KCNK13: variants seen among roughly 807,000 people sequenced by gnomAD.
The protein encoded by KCNK13 is potassium channel subfamily K member 13.
Under a neutral mutation model 23.4 loss-of-function variants are expected in KCNK13, and 12 were observed. The observed-to-expected ratio is 0.51, with a 90% confidence interval of 0.33 to 0.83. The LOEUF (loss-of-function observed/expected upper bound fraction) is 0.83, where lower values mean the gene tolerates loss of function less well. Ranked by LOEUF, KCNK13 falls within the 40% of genes least tolerant of loss-of-function variation. The probability of loss-of-function intolerance (pLI) is 0.02; values close to 1 mark genes in which losing one functional copy is unlikely to be tolerated. For synonymous variants in KCNK13, 231 were observed against 229.5 expected, an observed-to-expected ratio of 1.01 and a Z score of -0.06; for missense variants, 463 against 556.3, an observed-to-expected ratio of 0.83 and a Z score of 1.69.
Position 90,062,012 on chromosome 14 carries a change from C to A in KCNK13, c.-194C>A, listed in dbSNP as rs372766038. 6.5e-5 allele frequency: 26 copies of A among 396,956 alleles called. No individual in the cohort carries two copies. The highest frequency in any genetic ancestry group is 6.5e-4 in the East Asian group (17 of 26,238). The allele number at this position is 396,956 out of a possible 1,614,324, so 24.6% of individuals were successfully genotyped here. Reference sequence around the variant, plus strand: ...AGTCAAGGAGGACGTGGGGAGCTGGCGCCACAGGAGCTACCGAGGCGGCGG... The same window carrying A: ...AGTCAAGGAGGACGTGGGGAGCTGGAGCCACAGGAGCTACCGAGGCGGCGG... On this transcript the variant is annotated 5_prime_UTR_variant, in exon 1 of 2. Coordinates refer to ENST00000282146, the MANE Select transcript of KCNK13 (RefSeq NM_022054.4). The surrounding 1 kb of genome is among the most constrained non-coding windows in gnomAD (Gnocchi z 4.5).
chr14:90,167,675 C>T (rs1890319375), intron 1 of KCNK13, among the ~76,000 whole-genome samples: 1 of 152,112 alleles, frequency 6.6e-6, no homozygotes, highest in South Asian at 2.1e-4. Context: ...TGAGGCAGTC[C>T]ACCAAGCTAG....
chr14:90,107,932 A>G, intron 1 of KCNK13: 1 of 745,900 alleles, frequency 1.3e-6, no homozygotes, highest in Non-Finnish European at 2.5e-6. Flanking sequence ...GCAGTGATCT[A>G]GTCACTATGC....
intron 1 of KCNK13, among the ~76,000 whole-genome samples, chr14:90,159,151 A>T (rs1482048970): frequency 2.6e-5 from 4 of 152,214 alleles, no homozygotes; most frequent in African/African-American, 9.6e-5. Flanking sequence ...AGAGAGCAAG[A>T]GATCAAACTC....
chr14:90,148,146 G>C (rs1890095096), intron 1 of KCNK13, among the ~76,000 whole-genome samples: 1 of 152,218 alleles, frequency 6.6e-6, no homozygotes, highest in Non-Finnish European at 1.5e-5. Flanking sequence ...TTGGGTGACA[G>C]AGTGTGACTC....
chr14:90,087,141 T>TACATATATATATAC (rs1566949162), intron 1 of KCNK13, among the ~76,000 whole-genome samples: 3 of 114,064 alleles, frequency 2.6e-5, no homozygotes, highest in East Asian at 3.1e-4. Context: ...TATATATATA[T>TACATATATATATAC]ATATATATAT....
At chr14:90,074,502 T>A (rs1235854115) in intron 1 of KCNK13, among the ~76,000 whole-genome samples, 1 of 152,238 alleles carries the variant, frequency 6.6e-6, no homozygotes, top group Non-Finnish European at 1.5e-5. Context: ...TCTGTTAAGC[T>A]CTTTAACTCA....
At chr14:90,111,842 G>C (rs375935308) in intron 1 of KCNK13, among the ~76,000 whole-genome samples, 2 of 152,238 alleles carry the variant, frequency 1.3e-5, no homozygotes, top group South Asian at 4.2e-4. Flanking sequence ...ATTTCTTCAG[G>C]TGAATCAACT....
rs111626887 is a variant in KCNK13, at chr14:90,165,017, C to T, written c.335-19094C>T. ...CAGTTCCGCGTGGCTGAGGAGGCCT[C>T]GCAGTCATGGTGGAAGGCAAAGGGG... On this transcript the variant is annotated intron_variant, in intron 1 of 1. Coordinates refer to ENST00000282146, the MANE Select transcript of KCNK13 (RefSeq NM_022054.4). Among the ~76,000 whole-genome samples, 520 of 152,250 alleles carry T rather than the reference C, an allele frequency of 3.4e-3. 3 individuals carry two copies. The highest frequency in any genetic ancestry group is 0.012 in the African/African-American group (506 of 41,546).
intron 1 of KCNK13, among the ~76,000 whole-genome samples, chr14:90,138,940 C>T (rs753902957): frequency 3.3e-5 from 5 of 152,092 alleles, no homozygotes; most frequent in Admixed American, 2.0e-4. Flanking sequence ...AAAAACACAT[C>T]GAGGCAGGCA....
chr14:90,070,621 T>C (rs1395460427), intron 1 of KCNK13, among the ~76,000 whole-genome samples: 3 of 152,256 alleles, frequency 2.0e-5, no homozygotes, highest in Non-Finnish European at 4.4e-5. Context: ...CCTTTCCTTG[T>C]GCTTTCTTCC....
chr14:90,108,044 A>G, intron 1 of KCNK13: 2 of 626,024 alleles, frequency 3.2e-6, no homozygotes, highest in Admixed American at 2.1e-5. Context: ...GCTGGATGGC[A>G]TTGCATGTGA....
At chr14:90,132,561 A>G (rs895020497) in intron 1 of KCNK13, among the ~76,000 whole-genome samples, 1 of 150,498 alleles carries the variant, frequency 6.6e-6, no homozygotes, top group Non-Finnish European at 1.5e-5. Flanking sequence ...AAAAAAAAAG[A>G]AAGAAAGAAA....
chr14:90,170,949 G>A (rs1325268143), intron 1 of KCNK13, among the ~76,000 whole-genome samples: 1 of 152,196 alleles, frequency 6.6e-6, no homozygotes, highest in African/African-American at 2.4e-5. Flanking sequence ...GGAGGATGTA[G>A]CTTTTCATCT....
At chr14:90,089,798 A>G (rs1422917233) in intron 1 of KCNK13, among the ~76,000 whole-genome samples, 2 of 152,210 alleles carry the variant, frequency 1.3e-5, no homozygotes, top group Non-Finnish European at 2.9e-5. Flanking sequence ...AGCCATGACT[A>G]AAAGGGGCCA....
rs112935751 is a variant in KCNK13, at chr14:90,163,763, C to T, written c.335-20348C>T. ...CAAATGCAGTGGTGCAATCTCGGCT[C>T]ACTGCAGCCTCCGCCTCCTGGGTTC... On this transcript the variant is annotated intron_variant, in intron 1 of 1. Coordinates refer to ENST00000282146, the MANE Select transcript of KCNK13 (RefSeq NM_022054.4). Among the ~76,000 whole-genome samples the T allele has an allele frequency of 7.7e-3, 1,169 of 152,298 alleles. 16 individuals are homozygous for T. Among genetic ancestry groups the T allele is most frequent in the African/African-American group, 0.027 (1,113 of 41,560 alleles).
At chr14:90,134,617 T>C (rs1442790758) in intron 1 of KCNK13, among the ~76,000 whole-genome samples, 2 of 152,370 alleles carry the variant, frequency 1.3e-5, no homozygotes, top group African/African-American at 4.8e-5. Context: ...TTAACTCTTA[T>C]GTGCTAAGTG....
In KCNK13 at chr14:90,062,503, G is replaced by A; in HGVS notation, c.298G>A (p.Ala100Thr). ...NVRPRWDFTGAFYFVGTVVST... is the reference protein window; with the variant it reads ...NVRPRWDFTGTFYFVGTVVST... ...CCGCCCGCGCTGGGACTTCACCGGC[G>A]CCTTCTACTTCGTGGGCACCGTCGT... The change falls in exon 1 of 2, where the codon GCC (alanine) becomes ACC (threonine). Residue 100 changes from alanine (A) to threonine (T), a missense_variant. By Grantham distance (58) the Ala-to-Thr change is moderately conservative. Around this residue, in one of 3 missense-constraint regions of KCNK13, gnomAD observed 153 missense variants for 153.6 expected, o/e 1.00. Transcript: ENST00000282146. This position sits in a 1 kb window ranked among gnomAD's most constrained non-coding sequence, Gnocchi z 4.5. 6.5e-7 allele frequency: 1 copy of A among 1,530,918 alleles called. No homozygotes were observed. Among genetic ancestry groups the A allele is most frequent in the Admixed American group, 2.0e-5 (1 of 49,508 alleles). 94.8% of individuals were successfully genotyped at this position (1,530,918 alleles called of 1,614,324 possible). A position where few individuals can be genotyped will look rare whatever the true frequency, so the allele number is the denominator to read the frequency against.
chr14:90,093,683 C>T (rs1054233657), intron 1 of KCNK13, among the ~76,000 whole-genome samples: 1 of 152,178 alleles, frequency 6.6e-6, no homozygotes, highest in African/African-American at 2.4e-5. Context: ...TGGAGATTCT[C>T]TGTCTCCCAT....
At chr14:90,163,713 G>A (rs945508292) in intron 1 of KCNK13, among the ~76,000 whole-genome samples, 4 of 150,510 alleles carry the variant, frequency 2.7e-5, no homozygotes, top group South Asian at 2.1e-4. Context: ...ATTTAGAGAC[G>A]GAGTCTTGCT....
Sources: allele counts gnomAD v4.1 joint callset (sites outside exome capture counted in the v4.1 genomes callset), GRCh38; gene constraint gnomAD v4.1.1; regional missense constraint gnomAD v4.1.1; non-coding constraint Gnocchi (gnomAD v3.1); transcripts MANE v1.5; gene names NCBI Gene and HGNC (gene_info 2026-07-23, HGNC 2026-07-21).